Variants in CUX1 observed in about 807,000 individuals in gnomAD.
The protein encoded by CUX1 is protein CASP.
In CUX1, 31 loss-of-function variants were observed where a neutral mutation model predicts 158.8. That is an observed-to-expected ratio of 0.20 (90% confidence interval 0.15 to 0.26). The LOEUF (loss-of-function observed/expected upper bound fraction) is 0.26, where lower values mean the gene tolerates loss of function less well. CUX1 is among the 10% of genes least tolerant of loss of function. CUX1 has a pLI of 1.00. For missense variants in CUX1, 1,589 were observed against 2,014.6 expected (o/e 0.79, Z 4.04); for synonymous variants, 879 against 862.1 (o/e 1.02, Z -0.34).
intron 2 of CUX1, among the ~76,000 whole-genome samples, chr7:101,988,483 G>A (rs957403403): frequency 2.0e-5 from 3 of 152,162 alleles, no homozygotes; most frequent in African/African-American, 7.2e-5. Flanking sequence ...TCCTGCCACA[G>A]ATCTGTGTCC....
At chr7:101,971,706 C>A (rs1366714878) in intron 2 of CUX1, among the ~76,000 whole-genome samples, 1 of 152,170 alleles carries the variant, frequency 6.6e-6, no homozygotes, top group Non-Finnish European at 1.5e-5. Flanking sequence ...AAGCACAGCT[C>A]CTCTGGTGTT....
chr7:101,925,938 AAAAC>A (rs140430768), intron 2 of CUX1, among the ~76,000 whole-genome samples: 34,339 of 151,456 alleles, frequency 0.23, 4,835 homozygotes, highest in African/African-American at 0.39. Context: ...CCCCCGTCTC[AAAAC>A]AAACAAACAA....
chr7:102,080,150 C>T (rs547762883), intron 4 of CUX1, among the ~76,000 whole-genome samples: 1 of 152,174 alleles, frequency 6.6e-6, no homozygotes, highest in East Asian at 1.9e-4. Flanking sequence ...AAGGCTTTCC[C>T]TTCTCCATCC....
chr7:102,196,576 G>T (rs1794817075), intron 14 of CUX1, 58 bp from the exon 15 acceptor site: 12 of 1,378,008 alleles, frequency 8.7e-6, no homozygotes, highest in Middle Eastern at 1.9e-4. Flanking sequence ...TTTGGTCTTG[G>T]TTTTTTTTTC....
chr7:102,260,891 G>A (rs11763229), downstream of CUX1, among the ~76,000 whole-genome samples: 18,326 of 152,222 alleles, frequency 0.12, 1,243 homozygotes, highest in Middle Eastern at 0.18. Flanking sequence ...CCTCTCCACG[G>A]TCTTAACATG....
intron 14 of CUX1, among the ~76,000 whole-genome samples, chr7:102,271,701 G>A (rs1396967655): frequency 6.6e-6 from 1 of 152,192 alleles, no homozygotes; most frequent in African/African-American, 2.4e-5. Context: ...CTTCCTGCCA[G>A]GGACCCAGGG....
Position 102,281,949 on chromosome 7 carries a change from C to T in CUX1, c.1902+29C>T, listed in dbSNP as rs200400690. The T allele has an allele frequency of 4.1e-6, 6 of 1,477,174 alleles. No individual in the cohort carries two copies. In the East Asian group the frequency reaches 1.4e-4, roughly 33 times the overall value. The allele number at this position is 1,477,174 out of a possible 1,614,324, so 91.5% of individuals were successfully genotyped here. On this transcript the variant is annotated intron_variant, in intron 21 of 22. Transcript: ENST00000292538. ...AGTGTGCACACGGGCGGGCCAGAGG[C>T]ACATTCACCATCCCCAGCCCTGACC...
chr7:102,229,611 CT>C (rs781991747), intron 21 of CUX1, among the ~76,000 whole-genome samples: 812 of 70,010 alleles, frequency 0.012, 3 homozygotes, highest in Middle Eastern at 0.091. Context: ...CGTGTCTGGC[CT>C]TTTTTTTTTT....
chr7:102,141,789 ATTTTTTTTTT>A (rs71123009), intron 8 of CUX1, among the ~76,000 whole-genome samples: 5 of 102,578 alleles, frequency 4.9e-5, no homozygotes, highest in South Asian at 3.5e-4. Flanking sequence ...CTCTCAGCTA[ATTTTTTTTTT>A]TTTTTTTTTT....
In CUX1 at chr7:102,204,420, C is replaced by G; in HGVS notation, c.2937C>G (p.Ser979Arg). The G allele has an allele frequency of 1.2e-6, 2 of 1,613,612 alleles. No homozygotes were observed. The highest frequency in any genetic ancestry group is 1.7e-6 in the Non-Finnish European group (2 of 1,180,028). ...KVLGLSQGSV[S>R]DMLSRPKPWS... ...TGGGCCTGTCCCAGGGCAGCGTCAG[C>G]GACATGCTGTCCCGACCGAAGCCAT... The change falls in exon 19 of 24, where the codon AGC (serine) becomes AGG (arginine). Residue 979 changes from serine (S) to arginine (R), a missense_variant. By Grantham distance (110) the Ser-to-Arg change is moderately radical. Around this residue, in one of 8 missense-constraint regions of CUX1, gnomAD observed 29 missense variants for 66.6 expected, o/e 0.44. Transcript: ENST00000292535.
At position 102,263,314 on chromosome 7, in the gene CUX1, C is replaced by CTTTTT. The variant is rs71123026; in HGVS notation, c.1256-10037_1256-10033dup. 4.7e-4 allele frequency among the ~76,000 whole-genome samples: 42 copies of CTTTTT among 89,514 alleles called. 6 individuals are homozygous for CTTTTT. The highest frequency in any genetic ancestry group is 8.8e-4 in the South Asian group (2 of 2,284). 58.7% of individuals were successfully genotyped at this position (89,514 alleles called of 152,430 possible). A position where few individuals can be genotyped will look rare whatever the true frequency, so the allele number is the denominator to read the frequency against. ...ACAGGTACGAGCCACCACACCTAGCCTTTTTTTTTTTTTTTTTTTGAGATG... is the reference window on the plus strand; with the variant it reads ...ACAGGTACGAGCCACCACACCTAGCCTTTTTTTTTTTTTTTTTTTTTTTTGAGATG... On this transcript the variant is annotated intron_variant, in intron 14 of 22. Coordinates refer to the CUX1 transcript ENST00000292538.
Position 101,817,778 on chromosome 7 carries a change from G to A in CUX1, c.30+109G>A. The A allele has an allele frequency of 7.4e-7, 1 of 1,357,110 alleles. No individual in the cohort carries two copies. The highest frequency in any genetic ancestry group is 1.0e-6 in the Non-Finnish European group (1 of 1,000,282). The allele number at this position is 1,357,110 out of a possible 1,614,324, so 84.1% of individuals were successfully genotyped here. A position where few individuals can be genotyped will look rare whatever the true frequency, so the allele number is the denominator to read the frequency against. ...TTAGAATGCTCTAGGGCGGCCTGGT[G>A]CTCTGGGAGGGGATAGGAGGGTTCC... On this transcript the variant is annotated intron_variant, in intron 1 of 23. Transcript: ENST00000292535. This position sits in a 1 kb window ranked among gnomAD's most constrained non-coding sequence, Gnocchi z 4.1.
chr7:101,821,387 G>A (rs1234896344), intron 1 of CUX1, among the ~76,000 whole-genome samples: 3 of 150,332 alleles, frequency 2.0e-5, no homozygotes, highest in South Asian at 2.1e-4. Flanking sequence ...CGCCCAGGCC[G>A]GAGTGCAGAG....
chr7:101,891,007 C>T (rs1326258569), intron 1 of CUX1, among the ~76,000 whole-genome samples: 2 of 149,804 alleles, frequency 1.3e-5, no homozygotes, highest in Non-Finnish European at 3.0e-5. Flanking sequence ...TGAGCGGGGG[C>T]GGGGGGAATA....
intron 1 of CUX1, among the ~76,000 whole-genome samples, chr7:101,856,328 G>C (rs557262985): frequency 6.6e-6 from 1 of 151,978 alleles, no homozygotes; most frequent in Non-Finnish European, 1.5e-5. Flanking sequence ...GTTATTCCAC[G>C]GTTGCGGTTT....
chr7:101,914,351 CTT>C (rs1803889636), intron 1 of CUX1, among the ~76,000 whole-genome samples: 1 of 134,388 alleles, frequency 7.4e-6, no homozygotes, highest in African/African-American at 3.0e-5. Flanking sequence ...TTCCTTCCTT[CTT>C]CCTTCCTTCC....
intron 1 of CUX1, among the ~76,000 whole-genome samples, chr7:101,859,494 C>G (rs962830260): frequency 6.6e-6 from 1 of 152,128 alleles, no homozygotes; most frequent in South Asian, 2.1e-4. Flanking sequence ...TCAAGCTTCC[C>G]GTATTTGGCC....
At chr7:102,232,063 A>G (rs894149182) in intron 21 of CUX1, among the ~76,000 whole-genome samples, 6 of 151,584 alleles carry the variant, frequency 4.0e-5, no homozygotes, top group African/African-American at 1.2e-4. Flanking sequence ...GACTTGGGAC[A>G]TTTATAGGCT....
chr7:102,189,027 C>A lies in CUX1; in HGVS notation c.1018-786C>A, dbSNP rs561578476. Among the ~76,000 whole-genome samples the A allele has an allele frequency of 2.6e-5, 4 of 152,150 alleles. No individual in the cohort carries two copies. In the South Asian group the frequency reaches 6.2e-4, roughly 24 times the overall value. ...GACCAGCTGGCTGTCAGGGAAGCCACCAAGCACTCGACTGAACAGGTCCCT... is the reference window on the plus strand; with the variant it reads ...GACCAGCTGGCTGTCAGGGAAGCCAACAAGCACTCGACTGAACAGGTCCCT... On this transcript the variant is annotated intron_variant, in intron 11 of 23. Transcript: ENST00000292535.
Sources: allele counts gnomAD v4.1 joint callset (sites outside exome capture counted in the v4.1 genomes callset), GRCh38; gene constraint gnomAD v4.1.1; regional missense constraint gnomAD v4.1.1; non-coding constraint Gnocchi (gnomAD v3.1); transcripts MANE v1.5; gene names NCBI Gene and HGNC (gene_info 2026-07-23, HGNC 2026-07-21).